The following AKR1C8 variants were observed in gnomAD, a reference collection of about 807,000 sequenced individuals.
The protein encoded by AKR1C8 is aldo-keto reductase family 1 member C-like protein 1.
At chr10:5,162,569 T>C in the AKR1C8 span, among the ~76,000 whole-genome samples, 1 of 152,184 alleles carries the variant, frequency 6.6e-6, no homozygotes, top group Non-Finnish European at 1.5e-5. Flanking sequence ...ACTGAAGAAC[T>C]GAAGGAGTGG....
chr10:5,176,461 G>A, the AKR1C8 span, among the ~76,000 whole-genome samples: 3 of 149,632 alleles, frequency 2.0e-5, no homozygotes, highest in Non-Finnish European at 4.5e-5. Flanking sequence ...GTTGATGCAG[G>A]CTCTTTTTTG....
At chr10:5,157,012 T>C in the AKR1C8 span, among the ~76,000 whole-genome samples, 6 of 152,190 alleles carry the variant, frequency 3.9e-5, no homozygotes, top group East Asian at 1.2e-3. Flanking sequence ...ACTTCACTCC[T>C]CAATTTCTTA....
chr10:5,119,682 T>A, the AKR1C8 span, among the ~76,000 whole-genome samples: 1 of 152,128 alleles, frequency 6.6e-6, no homozygotes, highest in Non-Finnish European at 1.5e-5. Context: ...TGCTTTCTAA[T>A]CCCCTCACCA....
At chr10:5,127,633 C>T in the AKR1C8 span, among the ~76,000 whole-genome samples, 313 of 145,712 alleles carry the variant, frequency 2.1e-3, 1 homozygote, top group Admixed American at 0.018. Flanking sequence ...TCAGGAGAAT[C>T]GCTTTAACCT....
chr10:5,132,048 T>C, the AKR1C8 span, among the ~76,000 whole-genome samples: 1 of 152,140 alleles, frequency 6.6e-6, no homozygotes, highest in Non-Finnish European at 1.5e-5. Flanking sequence ...TGGATGGAGA[T>C]TAAGGCCATT....
At chr10:5,158,569 C>T in the AKR1C8 span, 90 of 434,528 alleles carry the variant, frequency 2.1e-4, no homozygotes, top group African/African-American at 1.8e-3. Flanking sequence ...AGAATTCCCG[C>T]CATAGGTTAA....
At chr10:5,121,071 G>C in the AKR1C8 span, among the ~76,000 whole-genome samples, 1 of 150,386 alleles carries the variant, frequency 6.6e-6, no homozygotes, top group African/African-American at 2.4e-5. Flanking sequence ...AAACGACATA[G>C]AGGCTTTTCT....
the AKR1C8 span, chr10:5,155,033 T>C: frequency 1.3e-5 from 2 of 152,148 alleles, no homozygotes; most frequent in African/African-American, 4.8e-5. Flanking sequence ...TCATAATTCA[T>C]TCACAATTCA....
chr10:5,150,019 T>C, the AKR1C8 span, among the ~76,000 whole-genome samples: 1 of 152,150 alleles, frequency 6.6e-6, no homozygotes, highest in Admixed American at 6.5e-5. Context: ...AAACAAAATG[T>C]CATAAAATTG....
At chr10:5,121,372 G>A in the AKR1C8 span, among the ~76,000 whole-genome samples, 1 of 152,130 alleles carries the variant, frequency 6.6e-6, no homozygotes, top group African/African-American at 2.4e-5. Context: ...TCTTATCTTG[G>A]TAGAGGCCAT....
the AKR1C8 span, among the ~76,000 whole-genome samples, chr10:5,129,363 T>A: frequency 6.6e-6 from 1 of 151,886 alleles, no homozygotes; most frequent in Admixed American, 6.6e-5. Flanking sequence ...CACACCTCTA[T>A]GTACTAGAGA....
At chr10:5,184,483 C>G in the AKR1C8 span, among the ~76,000 whole-genome samples, 1 of 152,262 alleles carries the variant, frequency 6.6e-6, no homozygotes, top group Admixed American at 6.5e-5. Context: ...CTGGCAAATA[C>G]TTCCAGCCCC....
chr10:5,137,831 G>A, the AKR1C8 span, among the ~76,000 whole-genome samples: 3 of 152,112 alleles, frequency 2.0e-5, no homozygotes, highest in Non-Finnish European at 2.9e-5. Flanking sequence ...GCCTGCCTGA[G>A]CCTCAAAACC....
the AKR1C8 span, among the ~76,000 whole-genome samples, chr10:5,178,770 T>A: frequency 2.0e-5 from 3 of 151,938 alleles, no homozygotes; most frequent in East Asian, 3.9e-4. Context: ...TGGTTTGAAA[T>A]CTGTTTTATC....
the AKR1C8 span, among the ~76,000 whole-genome samples, chr10:5,173,809 A>G: frequency 2.6e-5 from 4 of 152,140 alleles, no homozygotes; most frequent in East Asian, 1.9e-4. Flanking sequence ...AACTATAGGT[A>G]TATTTAAAAG....
chr10:5,173,062 AAG>A, the AKR1C8 span, among the ~76,000 whole-genome samples: 1 of 152,136 alleles, frequency 6.6e-6, no homozygotes, highest in Admixed American at 6.6e-5. Flanking sequence ...CCATAAGGAA[AAG>A]AGAGAATTTT....
chr10:5,120,322 AC>A, the AKR1C8 span, among the ~76,000 whole-genome samples: 13 of 152,234 alleles, frequency 8.5e-5, no homozygotes, highest in African/African-American at 3.1e-4. Context: ...CCCCCTGATT[AC>A]CACTCCACAC....
At chr10:5,122,963 GA>G in the AKR1C8 span, among the ~76,000 whole-genome samples, 1 of 152,114 alleles carries the variant, frequency 6.6e-6, no homozygotes, top group Non-Finnish European at 1.5e-5. Context: ...TTGGAGACTA[GA>G]GAACACCTAA....
the AKR1C8 span, among the ~76,000 whole-genome samples, chr10:5,176,005 T>G: frequency 5.4e-3 from 817 of 151,968 alleles, 10 homozygotes; most frequent in African/African-American, 0.018. Context: ...GTCAATTTTG[T>G]CTTTTGTTGC....
Sources: gnomAD v4.1 joint callset for allele counts (sites outside exome capture counted in the v4.1 genomes callset) on GRCh38, gnomAD v4.1.1 for gene constraint, MANE v1.5 for transcripts, NCBI Gene and HGNC (gene_info 2026-07-23, HGNC 2026-07-21) for gene names.